COL22A1: variants seen among roughly 807,000 people sequenced by gnomAD.
COL22A1 encodes the protein collagen type XXII alpha 1 chain.
A neutral mutation model predicts 248.9 loss-of-function variants in COL22A1; 221 were observed. The observed-to-expected ratio is 0.89, with a 90% CI of 0.80 to 0.99. COL22A1 has a LOEUF of 0.99. Among genes scored for constraint, COL22A1 ranks in the 50% least tolerant of loss-of-function variants. The pLI is 0.00. For missense variants in COL22A1, 2,240 were observed against 2,179.0 expected (o/e 1.03, Z -0.56); for synonymous variants, 891 against 793.4 (o/e 1.12, Z -2.07).
intron 10 of COL22A1, among the ~76,000 whole-genome samples, chr8:138,806,264 G>A (rs1327303583): frequency 6.8e-6 from 1 of 147,458 alleles, no homozygotes; most frequent in African/African-American, 2.5e-5. Flanking sequence ...ATGTGTGATG[G>A]TGTGTGTGAG....
Position 138,666,894 on chromosome 8 carries a change from A to G in COL22A1, c.3151-3154T>C, listed in dbSNP as rs570172724. 5.9e-5 allele frequency among the ~76,000 whole-genome samples: 9 copies of G among 152,352 alleles called. No individual in the cohort carries two copies. In the South Asian group the frequency reaches 1.9e-3, roughly 32 times the overall value. On this transcript the variant is annotated intron_variant, in intron 41 of 64. Transcript: ENST00000303045. ...CATTTCAAATCTTAGCTTATCAATC[A>G]TCAGCTGTTTGACCTTAAGCAAGTT... is the stretch of plus-strand genomic sequence containing the variant.
rs969689483 is a variant in COL22A1 at position 138,882,229 on chromosome 8, C to G, written c.91+853G>C. Among the ~76,000 whole-genome samples the G allele has an allele frequency of 2.0e-5, 3 of 152,056 alleles. No individual in the cohort carries two copies. The East Asian group carries it at 5.8e-4, about 29-fold the overall frequency. On this transcript the variant is annotated intron_variant, in intron 2 of 64. Coordinates refer to ENST00000303045, the MANE Select transcript of COL22A1 (RefSeq NM_152888.3). The stretch of plus-strand genomic sequence containing the variant: ...TGTTAAAGCAACTCATTCCCTCTCT[C>G]TGTCACGCTCTCTCCTCCTCTCGCA...
intron 12 of COL22A1, among the ~76,000 whole-genome samples, chr8:138,782,887 G>C (rs1228972588): frequency 6.6e-6 from 1 of 152,194 alleles, no homozygotes; most frequent in Non-Finnish European, 1.5e-5. Context: ...TTTGCCAGCT[G>C]CTGTGTGCAC....
intron 3 of COL22A1, among the ~76,000 whole-genome samples, chr8:138,862,042 A>G (rs1236097372): frequency 2.7e-5 from 4 of 147,406 alleles, no homozygotes; most frequent in African/African-American, 5.0e-5. Flanking sequence ...AAAAAAAAAA[A>G]AAAAAGAAAA....
chr8:138,825,000 C>T (rs1035614025), intron 6 of COL22A1, among the ~76,000 whole-genome samples: 1 of 152,208 alleles, frequency 6.6e-6, no homozygotes, highest in Non-Finnish European at 1.5e-5. Flanking sequence ...AGGACACAGA[C>T]AGCTCTGCAA....
chr8:138,695,221 C>G (rs4593591), intron 32 of COL22A1, among the ~76,000 whole-genome samples: 145,083 of 152,236 alleles, frequency 0.95, 69,289 homozygotes, highest in East Asian at 1. Flanking sequence ...TTTGATTCAT[C>G]TCCCCTCCAG....
chr8:138,843,837 TTGAG>T (rs1342947269), intron 4 of COL22A1, among the ~76,000 whole-genome samples: 2 of 152,262 alleles, frequency 1.3e-5, no homozygotes, highest in African/African-American at 4.8e-5. Flanking sequence ...TCATGCATTA[TTGAG>T]TGACTCCTAT....
intron 12 of COL22A1, among the ~76,000 whole-genome samples, chr8:138,783,183 G>C (rs1815186454): frequency 6.6e-6 from 1 of 152,124 alleles, no homozygotes; most frequent in African/African-American, 2.4e-5. Context: ...GCTTAGAGGA[G>C]GGTGGGTACT....
chr8:138,609,053 T>C (rs112264315), intron 56 of COL22A1, among the ~76,000 whole-genome samples: 4,737 of 152,366 alleles, frequency 0.031, 222 homozygotes, highest in African/African-American at 0.11. Context: ...GTGCGAAGCA[T>C]GCATTCACAA....
chr8:138,665,557 GCAATGTGCCTACACA>G (rs984776529), intron 41 of COL22A1, among the ~76,000 whole-genome samples: 4 of 152,238 alleles, frequency 2.6e-5, no homozygotes, highest in African/African-American at 9.6e-5. Flanking sequence ...CAGCTCAAAG[GCAATGTGCCTACACA>G]CAAGTCAACT....
intron 16 of COL22A1, among the ~76,000 whole-genome samples, chr8:138,763,391 A>G (rs1040243296): frequency 1.3e-5 from 2 of 151,350 alleles, no homozygotes; most frequent in African/African-American, 4.8e-5. Context: ...TGTCTCCAAA[A>G]AAAAAGAAAA....
At chr8:138,902,184 G>C (rs1031305593) in intron 1 of COL22A1, among the ~76,000 whole-genome samples, 5 of 152,176 alleles carry the variant, frequency 3.3e-5, no homozygotes, top group African/African-American at 1.2e-4. Flanking sequence ...GAAACACAAT[G>C]AAGCTTTCGT....
At chr8:138,861,992 C>T (rs187729923) in intron 3 of COL22A1, among the ~76,000 whole-genome samples, 220 of 137,336 alleles carry the variant, frequency 1.6e-3, no homozygotes, top group African/African-American at 5.0e-3. Flanking sequence ...AGTTCAAGAC[C>T]AGCCTGGCCA....
chr8:138,863,766 G>C (rs1822662524), intron 3 of COL22A1, among the ~76,000 whole-genome samples: 1 of 152,174 alleles, frequency 6.6e-6, no homozygotes, highest in Non-Finnish European at 1.5e-5. Flanking sequence ...GTAGGAGGCA[G>C]TGAGGTGGGG....
At chr8:138,796,898 C>T (rs1235073220) in intron 11 of COL22A1, 41 bp from the exon 12 acceptor site, 18 of 1,359,436 alleles carry the variant, frequency 1.3e-5, no homozygotes, top group Non-Finnish European at 1.8e-5. Context: ...TACAGAGCAT[C>T]TCCATGGCAT....
intron 21 of COL22A1, 27 bp from the exon 22 acceptor site, chr8:138,751,538 A>C (rs376391179): frequency 1.9e-6 from 3 of 1,548,094 alleles, no homozygotes; most frequent in Non-Finnish European, 2.7e-6. Flanking sequence ...AAGGAAAAAG[A>C]GAGAGAAACA....
intron 12 of COL22A1, among the ~76,000 whole-genome samples, chr8:138,787,892 C>G (rs1346926971): frequency 6.6e-6 from 1 of 152,196 alleles, no homozygotes; most frequent in Admixed American, 6.5e-5. Flanking sequence ...GCATCCAGAG[C>G]CCCAGGGATC....
Position 138,779,432 on chromosome 8 carries a change from C to T in COL22A1, c.1704+77G>A. 5 of 982,958 alleles carry T rather than the reference C, an allele frequency of 5.1e-6. No homozygotes were observed. In the South Asian group the frequency reaches 5.2e-5, roughly 10 times the overall value. 60.9% of individuals were successfully genotyped at this position (982,958 alleles called of 1,614,324 possible). On this transcript the variant is annotated intron_variant, in intron 14 of 64. Coordinates refer to ENST00000303045, the MANE Select transcript of COL22A1 (RefSeq NM_152888.3). ...GGAACCTATCTGAGCATCTCTTCTG[C>T]ACCTAAAGCAACTGGCTTTGCACTG...
chr8:138,895,582 C>G (rs1005840661), intron 1 of COL22A1, among the ~76,000 whole-genome samples: 1 of 151,940 alleles, frequency 6.6e-6, no homozygotes, highest in Non-Finnish European at 1.5e-5. Context: ...AATCAGCAAA[C>G]TGAAACAACA....
Sources: gnomAD v4.1 joint callset for allele counts (sites outside exome capture counted in the v4.1 genomes callset) on GRCh38, gnomAD v4.1.1 for gene constraint, MANE v1.5 for transcripts, NCBI Gene and HGNC (gene_info 2026-07-23, HGNC 2026-07-21) for gene names.